Variants in CARMIL1 observed in about 807,000 individuals in gnomAD.
CARMIL1 encodes the protein F-actin-uncapping protein LRRC16A.
A neutral mutation model predicts 177.1 loss-of-function variants in CARMIL1; 90 were observed. The observed-to-expected ratio is 0.51, with a 90% CI of 0.43 to 0.61. The LOEUF is 0.61. Among genes scored for constraint, CARMIL1 ranks in the 20% least tolerant of loss-of-function variants. The pLI is 0.00. For synonymous variants in CARMIL1, 577 were observed against 606.2 expected, an observed-to-expected ratio of 0.95 and a Z score of 0.71; for missense variants, 1,380 against 1,667.0, an observed-to-expected ratio of 0.83 and a Z score of 3.00.
At chr6:25,429,477 C>T (rs1478870963) in intron 4 of CARMIL1, among the ~76,000 whole-genome samples, 1 of 152,146 alleles carries the variant, frequency 6.6e-6, no homozygotes, top group Non-Finnish European at 1.5e-5. Context: ...CAGAACTTGG[C>T]AATTGTTCTG....
intron 12 of CARMIL1, among the ~76,000 whole-genome samples, chr6:25,485,213 T>TTTTAGTGTGGTAA (rs1397944930): frequency 3.9e-5 from 6 of 152,174 alleles, no homozygotes; most frequent in Non-Finnish European, 8.8e-5. Flanking sequence ...TTCCTGTCCC[T>TTTTAGTGTGGTAA]TTTAGTGTGG....
intron 7 of CARMIL1, 62 bp from the exon 8 acceptor site, chr6:25,450,576 C>G (rs1408838213): frequency 9.0e-6 from 10 of 1,109,398 alleles, no homozygotes; most frequent in South Asian, 6.6e-5. Flanking sequence ...TTCTCACTGT[C>G]TCTCTTGCTT....
At chr6:25,481,203 G>T (rs189247433) in intron 11 of CARMIL1, among the ~76,000 whole-genome samples, 2 of 151,790 alleles carry the variant, frequency 1.3e-5, no homozygotes, top group African/African-American at 2.4e-5. Context: ...GAAATACTCC[G>T]ATAAAAACCT....
intron 4 of CARMIL1, among the ~76,000 whole-genome samples, chr6:25,434,307 T>C (rs9467514): frequency 7.9e-4 from 120 of 152,306 alleles, no homozygotes; most frequent in African/African-American, 2.7e-3. Context: ...GCCCCTTTTG[T>C]GACCGACCTG....
intron 2 of CARMIL1, among the ~76,000 whole-genome samples, chr6:25,408,660 G>C (rs1794627135): frequency 1.3e-5 from 2 of 152,052 alleles, no homozygotes; most frequent in African/African-American, 4.8e-5. Context: ...AAACTGGGGT[G>C]GTACAGTTTC....
intron 29 of CARMIL1, chr6:25,576,996 A>G (rs970678151): frequency 1.0e-6 from 1 of 984,958 alleles, no homozygotes; most frequent in African/African-American, 1.8e-5. Context: ...GTACAAGTGT[A>G]AGTATTTTTT....
chr6:25,330,675 C>A (rs1174830548), intron 2 of CARMIL1, among the ~76,000 whole-genome samples: 3 of 137,286 alleles, frequency 2.2e-5, no homozygotes, highest in East Asian at 2.3e-4. Context: ...CGCACCCCCC[C>A]GCCCATCTCT....
In CARMIL1 at chr6:25,619,740, T is replaced by C; in HGVS notation, c.*157T>C. 1 of 262,416 alleles carries C rather than the reference T, an allele frequency of 3.8e-6. No individual in the cohort carries two copies. Among genetic ancestry groups the C allele is most frequent in the Non-Finnish European group, 6.5e-6 (1 of 153,052 alleles). 16.3% of individuals were successfully genotyped at this position (262,416 alleles called of 1,614,324 possible). On this transcript the variant is annotated 3_prime_UTR_variant, in exon 37 of 37. Transcript: ENST00000329474. ...CCCACCCCCATCCCCTGCCTTTTTTTTTTTTTTTTTTTTTTTTTTTTGTAT... is the reference window on the plus strand; with the variant it reads ...CCCACCCCCATCCCCTGCCTTTTTTCTTTTTTTTTTTTTTTTTTTTTGTAT...
intron 23 of CARMIL1, among the ~76,000 whole-genome samples, chr6:25,526,476 C>T (rs1254279088): frequency 1.3e-5 from 2 of 151,556 alleles, no homozygotes; most frequent in Admixed American, 6.6e-5. Flanking sequence ...CCTCCCCTTT[C>T]CTTCCCTCTC....
intron 5 of CARMIL1, among the ~76,000 whole-genome samples, chr6:25,436,592 G>A (rs1161866065): frequency 6.6e-6 from 1 of 152,206 alleles, no homozygotes; most frequent in East Asian, 1.9e-4. Context: ...GTGGCTCAGT[G>A]GGGACAGACA....
intron 2 of CARMIL1, among the ~76,000 whole-genome samples, chr6:25,396,402 C>T (rs533365297): frequency 1.5e-3 from 231 of 149,920 alleles, no homozygotes; most frequent in Non-Finnish European, 2.8e-3. Context: ...GCTCTTGTCA[C>T]CCAGGCTGGA....
chr6:25,520,162 T>C, intron 22 of CARMIL1, 82 bp from the exon 23 acceptor site: 1 of 675,640 alleles, frequency 1.5e-6, no homozygotes, highest in Non-Finnish European at 2.5e-6. Context: ...AGCTATCCTT[T>C]TGGATTTTTA....
In CARMIL1 at chr6:25,577,668, T is replaced by A. The variant is rs555539369; in HGVS notation, c.2743-3256T>A. Reference sequence around the variant, plus strand: ...AAAAGTGGGTTTGACAGGAAAAAAATGTTACGTTGTTTGGAAGGTTCCAAG... The same window carrying A: ...AAAAGTGGGTTTGACAGGAAAAAAAAGTTACGTTGTTTGGAAGGTTCCAAG... On this transcript the variant is annotated intron_variant, in intron 29 of 36. Transcript: ENST00000329474. This position sits in a 1 kb window ranked among gnomAD's most constrained non-coding sequence, Gnocchi z 4.5. Among the ~76,000 whole-genome samples, 1 of 152,138 alleles carries A rather than the reference T, an allele frequency of 6.6e-6. No individual in the cohort carries two copies. Among genetic ancestry groups the A allele is most frequent in the South Asian group, 2.1e-4 (1 of 4,820 alleles).
intron 2 of CARMIL1, among the ~76,000 whole-genome samples, chr6:25,337,145 C>T (rs957002907): frequency 1.3e-5 from 2 of 152,186 alleles, no homozygotes; most frequent in Non-Finnish European, 1.5e-5. Context: ...GTGCTTAAAA[C>T]AAAGTAGAGA....
intron 12 of CARMIL1, among the ~76,000 whole-genome samples, chr6:25,483,945 G>C (rs1802381432): frequency 6.6e-6 from 1 of 151,846 alleles, no homozygotes. Flanking sequence ...TTTTTTTGTA[G>C]AGACAGAGTT....
intron 5 of CARMIL1, among the ~76,000 whole-genome samples, chr6:25,440,099 T>A (rs1321744744): frequency 6.6e-6 from 1 of 152,196 alleles, no homozygotes; most frequent in Admixed American, 6.5e-5. Context: ...GATGAGCACA[T>A]ACACTTCACA....
Position 25,465,905 on chromosome 6 carries a change from A to G in CARMIL1, c.647A>G (p.Tyr216Cys). The part of the protein sequence containing the change: ...DLIPIIAALE[Y>C]NQWFTKLSSK... Reference sequence around the variant, plus strand: ...ATACCTATCATTGCTGCTCTGGAATATAATCAGTGGTTCACAAAACTGTCC... The same window carrying G: ...ATACCTATCATTGCTGCTCTGGAATGTAATCAGTGGTTCACAAAACTGTCC... The change falls in exon 9 of 37, where the codon TAT becomes TGT. Residue 216 changes from tyrosine to cysteine, a missense_variant. By Grantham distance (194) the Tyr-to-Cys change is radical. Coordinates refer to ENST00000329474, the MANE Select transcript of CARMIL1 (RefSeq NM_017640.6). 6.2e-7 allele frequency: 1 copy of G among 1,612,974 alleles called. No homozygotes were observed. The highest frequency in any genetic ancestry group is 8.5e-7 in the Non-Finnish European group (1 of 1,179,014).
intron 2 of CARMIL1, among the ~76,000 whole-genome samples, chr6:25,285,684 T>C (rs73392386): frequency 0.027 from 4,106 of 152,226 alleles, 167 homozygotes; most frequent in African/African-American, 0.092. Flanking sequence ...TTTTCAAACA[T>C]ATGCAAAAAG....
At chr6:25,328,389 G>A (rs902829377) in intron 2 of CARMIL1, among the ~76,000 whole-genome samples, 1 of 152,044 alleles carries the variant, frequency 6.6e-6, no homozygotes, top group Non-Finnish European at 1.5e-5. Context: ...AGACTGGCTA[G>A]GAGTTTTCTA....
Sources: allele counts gnomAD v4.1 joint callset (sites outside exome capture counted in the v4.1 genomes callset), GRCh38; gene constraint gnomAD v4.1.1; non-coding constraint Gnocchi (gnomAD v3.1); transcripts MANE v1.5; gene names NCBI Gene and HGNC (gene_info 2026-07-23, HGNC 2026-07-21).